Variants in THSD4 observed in about 807,000 individuals in gnomAD.
THSD4 encodes the protein thrombospondin type 1 domain containing 4.
A neutral mutation model predicts 119.0 loss-of-function variants in THSD4; 69 were observed. The observed-to-expected ratio is 0.58, with a 90% confidence interval of 0.48 to 0.71. The LOEUF (loss-of-function observed/expected upper bound fraction) is 0.71, where lower values mean the gene tolerates loss of function less well. Ranked by LOEUF, THSD4 falls within the 30% of genes least tolerant of loss-of-function variation. THSD4 has a pLI of 0.00. For synonymous variants in THSD4, 524 were observed against 540.4 expected, an observed-to-expected ratio of 0.97 and a Z score of 0.42; for missense variants, 1,393 against 1,391.1, an observed-to-expected ratio of 1.00 and a Z score of -0.02.
chr15:71,487,249 T>A (rs79139629), intron 7 of THSD4, among the ~76,000 whole-genome samples: 2,010 of 152,266 alleles, frequency 0.013, 55 homozygotes, highest in African/African-American at 0.046. Context: ...ATCCAACTTA[T>A]CTCTCTGTTT....
At chr15:71,108,297 G>T (rs2040282490) in intron 1 of THSD4, among the ~76,000 whole-genome samples, 1 of 152,238 alleles carries the variant, frequency 6.6e-6, no homozygotes, top group Non-Finnish European at 1.5e-5. Flanking sequence ...GTTCTGGAAA[G>T]CGGCATGAAT....
intron 1 of THSD4, among the ~76,000 whole-genome samples, chr15:71,101,860 C>A (rs898058885): frequency 1.3e-5 from 2 of 151,982 alleles, no homozygotes; most frequent in Non-Finnish European, 2.9e-5. Context: ...ACTACGGGTG[C>A]ATGCCACCAC....
chr15:71,651,566 A>G (rs894065010), intron 7 of THSD4, among the ~76,000 whole-genome samples: 1 of 152,072 alleles, frequency 6.6e-6, no homozygotes, highest in African/African-American at 2.4e-5. Context: ...TATATTCCCC[A>G]ATGTTGTAAC....
chr15:71,681,342 A>AT (rs1446884283), intron 8 of THSD4, among the ~76,000 whole-genome samples: 1 of 151,942 alleles, frequency 6.6e-6, no homozygotes, highest in Non-Finnish European at 1.5e-5. Flanking sequence ...GCAAAAGACA[A>AT]TTTTTTTCTA....
intron 7 of THSD4, among the ~76,000 whole-genome samples, chr15:71,442,467 G>A (rs1024468480): frequency 2.0e-5 from 3 of 148,354 alleles, no homozygotes; most frequent in African/African-American, 7.4e-5. Context: ...TACTTGGGAG[G>A]CTGAGGCAGA....
intron 1 of THSD4, among the ~76,000 whole-genome samples, chr15:71,120,493 G>A (rs618703): frequency 0.086 from 13,071 of 152,322 alleles, 871 homozygotes; most frequent in African/African-American, 0.19. Flanking sequence ...AGGGCAGTGA[G>A]CCAGGTTCAC....
intron 16 of THSD4, among the ~76,000 whole-genome samples, chr15:71,770,812 A>G (rs1006052111): frequency 6.6e-6 from 1 of 152,218 alleles, no homozygotes. Context: ...AGCCTGAAGT[A>G]TATGGAAGAA....
At chr15:71,440,602 T>C (rs1451515856) in intron 7 of THSD4, among the ~76,000 whole-genome samples, 1 of 152,196 alleles carries the variant, frequency 6.6e-6, no homozygotes, top group Non-Finnish European at 1.5e-5. Flanking sequence ...ATAGATCATA[T>C]AGCACAAGTA....
chr15:71,193,989 G>A (rs1163077673), intron 3 of THSD4, among the ~76,000 whole-genome samples: 1 of 152,160 alleles, frequency 6.6e-6, no homozygotes, highest in Non-Finnish European at 1.5e-5. Context: ...GGGATTACAG[G>A]CGTGAGCCAC....
chr15:71,614,658 C>T (rs1189977566), intron 7 of THSD4, among the ~76,000 whole-genome samples: 1 of 152,090 alleles, frequency 6.6e-6, no homozygotes, highest in Admixed American at 6.5e-5. Context: ...GGTTATAAGA[C>T]ATAGTTCAAG....
At chr15:71,257,291 G>A (rs1030047256) in intron 6 of THSD4, among the ~76,000 whole-genome samples, 6 of 152,294 alleles carry the variant, frequency 3.9e-5, no homozygotes, top group Admixed American at 2.0e-4. Flanking sequence ...ACTTTTCTTT[G>A]TTGAAATCCA....
At chr15:71,506,407 G>A (rs949057696) in intron 7 of THSD4, among the ~76,000 whole-genome samples, 1 of 152,148 alleles carries the variant, frequency 6.6e-6, no homozygotes, top group Non-Finnish European at 1.5e-5. Context: ...CCCATGTACT[G>A]TCAAGAGGAG....
At chr15:71,289,708 C>T (rs557865969) in intron 6 of THSD4, among the ~76,000 whole-genome samples, 8 of 152,282 alleles carry the variant, frequency 5.3e-5, no homozygotes, top group East Asian at 1.9e-4. Context: ...AGAATCATAA[C>T]GCGTAGAGCC....
intron 7 of THSD4, among the ~76,000 whole-genome samples, chr15:71,511,157 CAGAG>C (rs80155044): frequency 2.6e-5 from 4 of 151,986 alleles, no homozygotes; most frequent in Non-Finnish European, 5.9e-5. Context: ...TAATGGGAAA[CAGAG>C]AGAACAAAGA....
chr15:71,549,885 G>A (rs2048900441), intron 7 of THSD4: 1 of 152,564 alleles, frequency 6.6e-6, no homozygotes, highest in Admixed American at 6.5e-5. Context: ...GGGAGAGGAG[G>A]GCTGTGATGC....
chr15:71,497,018 C>G (rs1040611864), intron 7 of THSD4, among the ~76,000 whole-genome samples: 9 of 152,180 alleles, frequency 5.9e-5, no homozygotes, highest in African/African-American at 2.2e-4. Flanking sequence ...GCAGACCTCA[C>G]CATCCAAGAA....
intron 11 of THSD4, among the ~76,000 whole-genome samples, chr15:71,743,720 T>A (rs2053279651): frequency 6.6e-6 from 1 of 152,222 alleles, no homozygotes; most frequent in Admixed American, 6.5e-5. Flanking sequence ...AATGATCGTT[T>A]CAGATTCAAC....
intron 7 of THSD4, among the ~76,000 whole-genome samples, chr15:71,658,263 G>T (rs1033911371): frequency 3.3e-5 from 5 of 152,202 alleles, no homozygotes; most frequent in Non-Finnish European, 7.3e-5. Context: ...GAACTCTCCA[G>T]CCTCGTATTA....
intron 6 of THSD4, among the ~76,000 whole-genome samples, chr15:71,337,029 G>A (rs1325040541): frequency 6.6e-6 from 1 of 152,164 alleles, no homozygotes; most frequent in Non-Finnish European, 1.5e-5. Context: ...GGGAGTGTGT[G>A]CGTGCATGCA....
Sources: allele counts gnomAD v4.1 joint callset (sites outside exome capture counted in the v4.1 genomes callset), GRCh38; gene constraint gnomAD v4.1.1; transcripts MANE v1.5; gene names NCBI Gene and HGNC (gene_info 2026-07-23, HGNC 2026-07-21).